Variants in ARHGAP22 observed in about 807,000 individuals in gnomAD.
ARHGAP22 encodes rho GTPase-activating protein 22.
ARHGAP22 carries 48 observed loss-of-function variants against 59.1 expected under a neutral mutation model. The observed-to-expected ratio is 0.81, with a 90% CI of 0.64 to 1.03. The LOEUF (loss-of-function observed/expected upper bound fraction) is 1.03, where lower values mean the gene tolerates loss of function less well. Ranked by LOEUF, ARHGAP22 falls within the 50% of genes least tolerant of loss-of-function variation. ARHGAP22 has a pLI of 0.00. For synonymous variants in ARHGAP22, 445 were observed against 416.4 expected (o/e 1.07, Z -0.84); for missense variants, 1,015 against 958.7 (o/e 1.06, Z -0.78).
chr10:48,588,863 C>A (rs948440694), intron 1 of ARHGAP22, among the ~76,000 whole-genome samples: 1 of 152,124 alleles, frequency 6.6e-6, no homozygotes, highest in African/African-American at 2.4e-5. Flanking sequence ...AGGTGCCGAC[C>A]TTTCTGCTAT....
the ARHGAP22 span, chr10:48,435,170 T>C: frequency 8.3e-6 from 5 of 605,380 alleles, no homozygotes; most frequent in East Asian, 1.2e-4. Flanking sequence ...GTAGTTTATT[T>C]TTTTTAATTT....
At chr10:48,642,496 C>T (rs965040258) in intron 1 of ARHGAP22, among the ~76,000 whole-genome samples, 4 of 152,160 alleles carry the variant, frequency 2.6e-5, no homozygotes, top group African/African-American at 4.8e-5. Flanking sequence ...GAAAGGATTC[C>T]CTATTTAATA....
chr10:48,585,187 C>T (rs926770793), intron 1 of ARHGAP22, among the ~76,000 whole-genome samples: 2 of 152,128 alleles, frequency 1.3e-5, no homozygotes, highest in African/African-American at 4.8e-5. Flanking sequence ...TTCTAGCACT[C>T]CCATTATCTC....
chr10:48,521,041 T>C (rs1178433442), intron 3 of ARHGAP22, among the ~76,000 whole-genome samples: 3 of 152,060 alleles, frequency 2.0e-5, no homozygotes, highest in African/African-American at 7.3e-5. Flanking sequence ...CCTGGAAACA[T>C]GCCCCAGAAA....
chr10:48,635,068 C>T (rs1351771590), intron 1 of ARHGAP22, among the ~76,000 whole-genome samples: 1 of 152,090 alleles, frequency 6.6e-6, no homozygotes, highest in East Asian at 1.9e-4. Flanking sequence ...TCATGGCAGC[C>T]CGAGCAGACT....
At chr10:48,505,283 G>A (rs1267263032) in intron 3 of ARHGAP22, among the ~76,000 whole-genome samples, 1 of 152,082 alleles carries the variant, frequency 6.6e-6, no homozygotes, top group Admixed American at 6.5e-5. Context: ...TCGAACTCCT[G>A]ATTTAGGTGA....
At chr10:48,442,391 TTCG>T (rs2045224319), downstream of ARHGAP22, among the ~76,000 whole-genome samples, 1 of 152,170 alleles carries the variant, frequency 6.6e-6, no homozygotes, top group African/African-American at 2.4e-5. Flanking sequence ...GGTGTACAGG[TTCG>T]TCAAGTCAAG....
rs1263347947 is a variant in ARHGAP22, at chr10:48,453,571, C to A, written c.867-146G>T. On this transcript the variant is annotated intron_variant, in intron 7 of 9. Coordinates refer to ENST00000249601, the MANE Select transcript of ARHGAP22 (RefSeq NM_021226.4). ...CTGGGTGTAGCCTGCCTCTGCCAGG[C>A]TCGATGAGGGAAGGCTTCCCCTGGG... 6 of 1,252,364 alleles carry A rather than the reference C, an allele frequency of 4.8e-6. No homozygotes were observed. In the African/African-American group the frequency reaches 9.1e-5, roughly 19 times the overall value. 77.6% of individuals were successfully genotyped at this position (1,252,364 alleles called of 1,614,324 possible).
At chr10:48,439,389 CTGTT>C in the ARHGAP22 span, 38 of 151,582 alleles carry the variant, frequency 2.5e-4, no homozygotes, top group African/African-American at 8.2e-4. Flanking sequence ...AAAACAAAAT[CTGTT>C]TGTGGTAAAG....
chr10:48,456,803 T>A (rs1304407820), intron 5 of ARHGAP22, among the ~76,000 whole-genome samples: 1 of 151,890 alleles, frequency 6.6e-6, no homozygotes, highest in Non-Finnish European at 1.5e-5. Flanking sequence ...CTTACTTCCT[T>A]TCCTCGTCCC....
At chr10:48,574,674 T>G (rs926128155) in intron 2 of ARHGAP22, 2 of 152,180 alleles carry the variant, frequency 1.3e-5, no homozygotes, top group Non-Finnish European at 2.9e-5. Flanking sequence ...ATGAGGGCCA[T>G]GGAAGATAGA....
intron 1 of ARHGAP22, among the ~76,000 whole-genome samples, chr10:48,629,708 G>C (rs2061565851): frequency 6.6e-6 from 1 of 152,118 alleles, no homozygotes; most frequent in Non-Finnish European, 1.5e-5. Context: ...ATAAATTTTA[G>C]AATCAGTGTG....
At chr10:48,431,406 A>G in the ARHGAP22 span, 1 of 636,692 alleles carries the variant, frequency 1.6e-6, no homozygotes. Flanking sequence ...AAGGAAATAC[A>G]GTTTTGTTTT....
chr10:48,477,495 C>T (rs1384172229), intron 4 of ARHGAP22, among the ~76,000 whole-genome samples: 1 of 152,186 alleles, frequency 6.6e-6, no homozygotes, highest in Non-Finnish European at 1.5e-5. Flanking sequence ...TCCTGGCATA[C>T]CTGTACACAC....
chr10:48,519,662 G>T (rs1251046471), intron 3 of ARHGAP22, among the ~76,000 whole-genome samples: 1 of 152,228 alleles, frequency 6.6e-6, no homozygotes, highest in African/African-American at 2.4e-5. Flanking sequence ...GGAATGAAAT[G>T]AACTGGGCCC....
intron 1 of ARHGAP22, among the ~76,000 whole-genome samples, chr10:48,610,754 C>T (rs2060852090): frequency 6.6e-6 from 1 of 152,270 alleles, no homozygotes; most frequent in East Asian, 1.9e-4. Context: ...GAGCAGATGA[C>T]CCGCTGGAGG....
chr10:48,601,365 C>T (rs1479159500), intron 1 of ARHGAP22, among the ~76,000 whole-genome samples: 4 of 152,182 alleles, frequency 2.6e-5, no homozygotes, highest in African/African-American at 7.2e-5. Context: ...AGTAGTCCTG[C>T]AGCCTTGGGG....
intron 1 of ARHGAP22, among the ~76,000 whole-genome samples, chr10:48,632,409 T>C (rs1426189003): frequency 1.3e-5 from 2 of 152,172 alleles, no homozygotes; most frequent in African/African-American, 4.8e-5. Flanking sequence ...CTATTCAACA[T>C]ATTTTTTTTT....
At position 48,639,846 on chromosome 10, in the gene ARHGAP22, T is replaced by TA. The variant is rs796074382; in HGVS notation, c.52+12387dup. 7.7e-3 allele frequency among the ~76,000 whole-genome samples: 1,149 copies of TA among 148,440 alleles called. 15 individuals are homozygous for TA. Among genetic ancestry groups the TA allele is most frequent in the African/African-American group, 0.027 (1,082 of 40,622 alleles). On this transcript the variant is annotated intron_variant, in intron 1 of 9. Coordinates refer to the ARHGAP22 transcript ENST00000435790. ...ACAAAGGAAAAGTGTGACTCATATG[T>TA]AAAAAAAAAAGTCAATTGAAACTGT...
Sources: allele counts gnomAD v4.1 joint callset (sites outside exome capture counted in the v4.1 genomes callset), GRCh38; gene constraint gnomAD v4.1.1; transcripts MANE v1.5; gene names NCBI Gene and HGNC (gene_info 2026-07-23, HGNC 2026-07-21).